The following EPHB1 variants were observed in gnomAD, a reference collection of about 807,000 sequenced individuals.
EPHB1 encodes the protein EPH receptor B1, also known as ephrin type-B receptor 1.
Under a neutral mutation model 94.4 loss-of-function variants are expected in EPHB1, and 30 were observed. The ratio of observed to expected loss-of-function variants is 0.32; its 90% CI spans 0.24 to 0.43. EPHB1 has a LOEUF of 0.43. Ranked by LOEUF, EPHB1 falls within the 20% of genes least tolerant of loss-of-function variation. The pLI, the probability that EPHB1 is intolerant of heterozygous loss-of-function variation, is 1.00. For missense variants in EPHB1, 1,055 were observed against 1,308.3 expected (o/e 0.81, Z 2.99); for synonymous variants, 522 against 489.1 (o/e 1.07, Z -0.89).
chr3:135,166,217 G>T (rs377247500), intron 8 of EPHB1, 141 bp downstream of exon 8: 1 of 624,084 alleles, frequency 1.6e-6, no homozygotes, highest in Admixed American at 2.8e-5. Flanking sequence ...GAGCAGCCTA[G>T]AATTCTTTAG....
chr3:134,849,951 A>G (rs548394317), intron 1 of EPHB1, among the ~76,000 whole-genome samples: 14 of 152,290 alleles, frequency 9.2e-5, no homozygotes, highest in Non-Finnish European at 2.1e-4. Context: ...TCCTGGGAAG[A>G]GGACCACCAC....
intron 10 of EPHB1, among the ~76,000 whole-genome samples, chr3:135,190,102 C>A (rs1228473920): frequency 6.6e-6 from 1 of 152,208 alleles, no homozygotes; most frequent in Non-Finnish European, 1.5e-5. Flanking sequence ...GTATGGACCA[C>A]AGCCCTGGCT....
rs144854211 is a variant in EPHB1 at position 134,861,830 on chromosome 3, A to G, written c.59-63986A>G. Reference sequence around the variant, plus strand: ...AAACCACTATGGCACACGTTGACCTATGTAACAAACCTGCATGTCCTTCAC... The same window carrying G: ...AAACCACTATGGCACACGTTGACCTGTGTAACAAACCTGCATGTCCTTCAC... On this transcript the variant is annotated intron_variant, in intron 1 of 15. Transcript: ENST00000398015. Among the ~76,000 whole-genome samples, 75 of 152,288 alleles carry G rather than the reference A, an allele frequency of 4.9e-4. 1 individual carries two copies. In the East Asian group the frequency reaches 8.5e-3, roughly 17 times the overall value.
At chr3:135,169,291 C>T (rs1941740119) in intron 9 of EPHB1, among the ~76,000 whole-genome samples, 2 of 152,208 alleles carry the variant, frequency 1.3e-5, no homozygotes, top group Non-Finnish European at 2.9e-5. Context: ...GCTACATAGT[C>T]GCCATTCCTG....
intron 10 of EPHB1, among the ~76,000 whole-genome samples, chr3:135,190,454 G>T (rs1236494143): frequency 5.9e-5 from 9 of 151,990 alleles, no homozygotes; most frequent in Non-Finnish European, 5.9e-5. Flanking sequence ...TGTTCATTCA[G>T]CTCATAGTTA....
intron 4 of EPHB1, among the ~76,000 whole-genome samples, chr3:135,109,651 A>G (rs1939363267): frequency 6.6e-6 from 1 of 152,240 alleles, no homozygotes; most frequent in Non-Finnish European, 1.5e-5. Context: ...TATGGTCCCA[A>G]ACCACACAGT....
chr3:134,963,972 C>T (rs1256125247), intron 3 of EPHB1, among the ~76,000 whole-genome samples: 2 of 152,222 alleles, frequency 1.3e-5, no homozygotes, highest in African/African-American at 2.4e-5. Context: ...CTGCACCTGT[C>T]ACCTGCATCA....
intron 4 of EPHB1, among the ~76,000 whole-genome samples, chr3:135,116,136 C>T (rs187373460): frequency 1.3e-5 from 2 of 152,304 alleles, no homozygotes; most frequent in African/African-American, 2.4e-5. Flanking sequence ...ATCGCTTGAA[C>T]CCAGGAGGCA....
intron 1 of EPHB1, among the ~76,000 whole-genome samples, chr3:134,882,757 C>CCTTT (rs1491567260): frequency 6.5e-5 from 1 of 15,268 alleles, no homozygotes; most frequent in African/African-American, 1.1e-4. Flanking sequence ...TTCCTTTCTT[C>CCTTT]CTTCCTTCCT....
Position 134,951,453 on chromosome 3 carries a change from A to G in EPHB1, c.206A>G (p.Asn69Ser), listed in dbSNP as rs2107715371. Residue 69 changes from asparagine to serine, a missense_variant, in exon 3 of 16, where the codon AAC (asparagine) becomes AGC (serine). Coordinates refer to ENST00000398015, the MANE Select transcript of EPHB1 (RefSeq NM_004441.5). The surrounding 1 kb of genome is among the most constrained non-coding windows in gnomAD (Gnocchi z 4.5). Reference protein sequence around the residue: ...QVCNVFEPNQNNWLLTTFINR... With the variant: ...QVCNVFEPNQSNWLLTTFINR... ...TGCAATGTCTTCGAGCCCAACCAGA[A>G]CAATTGGCTGCTCACCACCTTCATC... 1 of 1,613,224 alleles carries G rather than the reference A, an allele frequency of 6.2e-7. No individual in the cohort carries two copies. The highest frequency in any genetic ancestry group is 8.5e-7 in the Non-Finnish European group (1 of 1,179,496).
At chr3:134,893,800 G>C (rs1560285245) in intron 1 of EPHB1, among the ~76,000 whole-genome samples, 3 of 152,234 alleles carry the variant, frequency 2.0e-5, no homozygotes, top group African/African-American at 7.2e-5. Flanking sequence ...ATACCTGCCT[G>C]TCTGTCCCTC....
In EPHB1 at chr3:135,259,156, AGGACCAGGGTCAAGGG is replaced by A. The variant is rs963542685; in HGVS notation, c.*44_*59del. On this transcript the variant is annotated 3_prime_UTR_variant, in exon 16 of 16. Coordinates refer to ENST00000398015, the MANE Select transcript of EPHB1 (RefSeq NM_004441.5). ...TTCTTGGGGAAGGAGAGGAGGGAAA[AGGACCAGGGTCAAGGG>A]GGACCAGAGGTTGACCACTGTGGAA... 5.2e-6 allele frequency: 8 copies of A among 1,532,964 alleles called. No homozygotes were observed. The African/African-American group carries it at 8.2e-5, about 16-fold the overall frequency. The allele number at this position is 1,532,964 out of a possible 1,614,324, so 95.0% of individuals were successfully genotyped here. A position where few individuals can be genotyped will look rare whatever the true frequency, so the allele number is the denominator to read the frequency against.
intron 1 of EPHB1, among the ~76,000 whole-genome samples, chr3:134,832,937 G>A (rs958458613): frequency 1.3e-5 from 2 of 152,244 alleles, no homozygotes; most frequent in African/African-American, 2.4e-5. Flanking sequence ...TCACTTTTAG[G>A]AGGTACTGGT....
chr3:134,988,706 T>C (rs1410647208), intron 3 of EPHB1, among the ~76,000 whole-genome samples: 2 of 152,226 alleles, frequency 1.3e-5, no homozygotes, highest in Admixed American at 6.5e-5. Flanking sequence ...GTGATTTGTA[T>C]GTATAGTAAT....
intron 12 of EPHB1, among the ~76,000 whole-genome samples, chr3:135,202,853 G>C (rs13088801): frequency 0.13 from 20,080 of 152,114 alleles, 1,776 homozygotes; most frequent in Middle Eastern, 0.22. Context: ...CCATTTGACC[G>C]AGCAATCCTT....
intron 3 of EPHB1, among the ~76,000 whole-genome samples, chr3:135,001,810 A>G (rs537529669): frequency 1.3e-5 from 2 of 152,298 alleles, no homozygotes; most frequent in Non-Finnish European, 2.9e-5. Flanking sequence ...AACCTGCCTC[A>G]TTATAAAGAG....
intron 6 of EPHB1, among the ~76,000 whole-genome samples, chr3:135,156,339 G>A (rs185014909): frequency 2.0e-5 from 3 of 152,208 alleles, no homozygotes; most frequent in Admixed American, 1.3e-4. Flanking sequence ...CTTGCAGTGG[G>A]TCAATGGAAA....
intron 9 of EPHB1, among the ~76,000 whole-genome samples, chr3:135,168,437 CA>C (rs1402476275): frequency 6.6e-6 from 1 of 152,248 alleles, no homozygotes; most frequent in Non-Finnish European, 1.5e-5. Flanking sequence ...TCAGAGGGAT[CA>C]ACCCTGCTGT....
chr3:134,933,279 T>C (rs1378472758), intron 2 of EPHB1, among the ~76,000 whole-genome samples: 2 of 152,178 alleles, frequency 1.3e-5, no homozygotes, highest in East Asian at 3.9e-4. Flanking sequence ...TATAGCCTTT[T>C]TCATCTGTAT....
Sources: allele counts gnomAD v4.1 joint callset (sites outside exome capture counted in the v4.1 genomes callset), GRCh38; gene constraint gnomAD v4.1.1; non-coding constraint Gnocchi (gnomAD v3.1); transcripts MANE v1.5; gene names NCBI Gene and HGNC (gene_info 2026-07-23, HGNC 2026-07-21).